Variants in AFF3 observed in about 807,000 individuals in gnomAD.
AFF3 encodes ALF transcription elongation factor 3, also known as AF4/FMR2 family member 3.
Under a neutral mutation model 129.7 loss-of-function variants are expected in AFF3, and 32 were observed. The ratio of observed to expected loss-of-function variants is 0.25; its 90% CI spans 0.19 to 0.33. The LOEUF is 0.33. AFF3 is among the 10% of genes least tolerant of loss of function. AFF3 has a pLI of 1.00. For missense variants in AFF3, 1,373 were observed against 1,592.0 expected (o/e 0.86, Z 2.34); for synonymous variants, 644 against 635.4 (o/e 1.01, Z -0.20).
intron 7 of AFF3, among the ~76,000 whole-genome samples, chr2:99,850,708 G>A (rs72819128): frequency 0.17 from 25,281 of 152,070 alleles, 2,237 homozygotes; most frequent in Admixed American, 0.24. Context: ...TTAATAAAAC[G>A]TTGAATGGTA....
At chr2:99,962,236 A>G (rs1250480847) in intron 7 of AFF3, among the ~76,000 whole-genome samples, 1 of 152,216 alleles carries the variant, frequency 6.6e-6, no homozygotes, top group Non-Finnish European at 1.5e-5. Context: ...TAAACCAAGC[A>G]GACCAAAGTA....
chr2:99,826,846 G>A (rs983527122), intron 8 of AFF3, among the ~76,000 whole-genome samples: 3 of 152,106 alleles, frequency 2.0e-5, no homozygotes, highest in South Asian at 2.1e-4. Flanking sequence ...TGCCTCCATT[G>A]TGGAGACTAG....
intron 14 of AFF3, among the ~76,000 whole-genome samples, chr2:99,598,846 C>T (rs62154470): frequency 0.037 from 5,595 of 152,326 alleles, 125 homozygotes; most frequent in East Asian, 0.046. Context: ...TACTTCCTGC[C>T]TTTGCCATTT....
chr2:99,583,653 G>A (rs1677800361), intron 16 of AFF3, among the ~76,000 whole-genome samples: 1 of 151,882 alleles, frequency 6.6e-6, no homozygotes, highest in Non-Finnish European at 1.5e-5. Context: ...TGGGATTACA[G>A]ACATGAGCCA....
intron 10 of AFF3, among the ~76,000 whole-genome samples, chr2:99,733,411 C>T (rs1680000539): frequency 6.7e-6 from 1 of 148,994 alleles, no homozygotes; most frequent in South Asian, 2.1e-4. Context: ...ACAACAACAA[C>T]AACAACAAAA....
chr2:99,806,687 C>A (rs1432554198), intron 8 of AFF3, among the ~76,000 whole-genome samples: 1 of 152,120 alleles, frequency 6.6e-6, no homozygotes, highest in Non-Finnish European at 1.5e-5. Flanking sequence ...CTTCATATAC[C>A]TGTCTCCACG....
At chr2:99,572,422 G>A (rs2104712124) in intron 18 of AFF3, among the ~76,000 whole-genome samples, 1 of 151,976 alleles carries the variant, frequency 6.6e-6, no homozygotes, top group East Asian at 1.9e-4. Context: ...TTGTGGCCGG[G>A]ATAGAGTTGA....
chr2:99,653,467 G>A (rs1267183826), intron 12 of AFF3, among the ~76,000 whole-genome samples: 4 of 152,232 alleles, frequency 2.6e-5, no homozygotes, highest in Non-Finnish European at 5.9e-5. Context: ...TGACTTCTGT[G>A]ATACGGAAAC....
intron 4 of AFF3, among the ~76,000 whole-genome samples, chr2:100,040,166 A>G (rs1685304719): frequency 6.6e-6 from 1 of 152,140 alleles, no homozygotes; most frequent in African/African-American, 2.4e-5. Context: ...TCTTGTCACA[A>G]GAAGCCTCCC....
chr2:99,718,455 T>C (rs1366695941), intron 11 of AFF3, among the ~76,000 whole-genome samples: 1 of 152,262 alleles, frequency 6.6e-6, no homozygotes, highest in Non-Finnish European at 1.5e-5. Context: ...TCCAATTGTT[T>C]ATTGTTGATA....
intron 1 of AFF3, among the ~76,000 whole-genome samples, chr2:100,133,247 G>A (rs937151901): frequency 2.0e-5 from 3 of 151,960 alleles, no homozygotes; most frequent in Admixed American, 6.6e-5. Context: ...CTGGGTGACA[G>A]AGCCAGACCC....
At chr2:99,727,789 T>G (rs185016346) in intron 10 of AFF3, among the ~76,000 whole-genome samples, 4 of 152,306 alleles carry the variant, frequency 2.6e-5, no homozygotes, top group African/African-American at 4.8e-5. Flanking sequence ...CTCGAACTCC[T>G]GACCTCAAGT....
At chr2:99,769,261 G>A (rs992128224) in intron 8 of AFF3, among the ~76,000 whole-genome samples, 5 of 152,032 alleles carry the variant, frequency 3.3e-5, no homozygotes, top group African/African-American at 1.2e-4. Flanking sequence ...TCTCCTGCTT[G>A]ATCTGTTTGG....
At chr2:100,008,782 G>C in intron 5 of AFF3, 30 bp downstream of exon 5, 1 of 1,608,600 alleles carries the variant, frequency 6.2e-7, no homozygotes, top group Non-Finnish European at 8.5e-7. Context: ...ACAAGTGAGA[G>C]GTAGAGATGA....
intron 8 of AFF3, among the ~76,000 whole-genome samples, chr2:99,790,326 T>A (rs1685108867): frequency 6.6e-6 from 1 of 152,228 alleles, no homozygotes; most frequent in South Asian, 2.1e-4. Context: ...ACTCAAAATT[T>A]ATTAATAAAA....
intron 8 of AFF3, among the ~76,000 whole-genome samples, chr2:99,777,590 C>T (rs182184575): frequency 1.4e-4 from 21 of 152,180 alleles, no homozygotes; most frequent in Admixed American, 1.4e-3. Flanking sequence ...ATCTGCGTGC[C>T]CTGGTAAGCT....
At chr2:99,960,226 T>C (rs1358868689) in intron 7 of AFF3, among the ~76,000 whole-genome samples, 1 of 152,176 alleles carries the variant, frequency 6.6e-6, no homozygotes, top group Non-Finnish European at 1.5e-5. Flanking sequence ...AAATCCTTCT[T>C]TGATGGGCAC....
intron 10 of AFF3, among the ~76,000 whole-genome samples, chr2:99,739,055 T>G (rs958226385): frequency 2.0e-5 from 3 of 151,592 alleles, no homozygotes; most frequent in Admixed American, 6.6e-5. Context: ...TTTTTGTTTT[T>G]GGGGGTTTTT....
chr2:99,792,230 C>G (rs1039914028), intron 8 of AFF3, among the ~76,000 whole-genome samples: 1 of 152,110 alleles, frequency 6.6e-6, no homozygotes, highest in African/African-American at 2.4e-5. Context: ...TTACACAGAA[C>G]TCTGGGACTG....
Sources: allele counts gnomAD v4.1 joint callset (sites outside exome capture counted in the v4.1 genomes callset), GRCh38; gene constraint gnomAD v4.1.1; transcripts MANE v1.5; gene names NCBI Gene and HGNC (gene_info 2026-07-23, HGNC 2026-07-21).